The following ATP8A1 variants were observed in gnomAD, a reference collection of about 807,000 sequenced individuals.
The protein encoded by ATP8A1 is phospholipid-transporting ATPase IA.
ATP8A1 carries 90 observed loss-of-function variants against 177.7 expected under a neutral mutation model. That is an observed-to-expected ratio of 0.51 (90% confidence interval 0.43 to 0.60). The LOEUF (loss-of-function observed/expected upper bound fraction) is 0.60. ATP8A1 is among the 20% of genes least tolerant of loss of function. The pLI, the probability that ATP8A1 is intolerant of heterozygous loss-of-function variation, is 0.00. For missense variants in ATP8A1, 1,072 were observed against 1,392.8 expected, an observed-to-expected ratio of 0.77 and a Z score of 3.67; for synonymous variants, 493 against 485.9, an observed-to-expected ratio of 1.01 and a Z score of -0.19.
intron 16 of ATP8A1, among the ~76,000 whole-genome samples, chr4:42,554,446 T>C (rs1282837537): frequency 1.3e-5 from 2 of 152,032 alleles, no homozygotes; most frequent in East Asian, 3.9e-4. Context: ...AGGGAAGAGG[T>C]GGTCTAGGGC....
intron 1 of ATP8A1, among the ~76,000 whole-genome samples, chr4:42,636,583 T>A (rs1577752286): frequency 6.6e-6 from 1 of 152,296 alleles, no homozygotes; most frequent in Non-Finnish European, 1.5e-5. Flanking sequence ...CTCTCAAATT[T>A]CTAGATCATG....
chr4:42,627,467 T>C (rs1738230294), intron 1 of ATP8A1, among the ~76,000 whole-genome samples: 1 of 152,336 alleles, frequency 6.6e-6, no homozygotes, highest in South Asian at 2.1e-4. Flanking sequence ...AACAAGGTAA[T>C]TTAAAATATA....
chr4:42,444,696 A>C, intron 31 of ATP8A1, 62 bp from the exon 32 acceptor site: 1 of 1,484,680 alleles, frequency 6.7e-7, no homozygotes, highest in Non-Finnish European at 9.4e-7. Context: ...CAAATGACTG[A>C]AGGATTTATA....
At chr4:42,607,562 T>C (rs62302319) in intron 5 of ATP8A1, among the ~76,000 whole-genome samples, 34,177 of 151,724 alleles carry the variant, frequency 0.23, 4,332 homozygotes, top group Non-Finnish European at 0.29. Context: ...CAAGAAACAA[T>C]GCCCAGCCTG....
chr4:42,584,610 C>G (rs1188005613), intron 9 of ATP8A1, among the ~76,000 whole-genome samples: 1 of 152,232 alleles, frequency 6.6e-6, no homozygotes, highest in Non-Finnish European at 1.5e-5. Flanking sequence ...ATCTCTTTCA[C>G]TAGTGCCTTT....
chr4:42,505,501 A>G (rs1724276625), intron 23 of ATP8A1, among the ~76,000 whole-genome samples: 1 of 152,042 alleles, frequency 6.6e-6, no homozygotes. Flanking sequence ...TCTGCATTTC[A>G]CCATTATTTT....
At chr4:42,551,947 T>A (rs934616719) in intron 17 of ATP8A1, among the ~76,000 whole-genome samples, 1 of 152,186 alleles carries the variant, frequency 6.6e-6, no homozygotes, top group Non-Finnish European at 1.5e-5. Context: ...TGCCCAACTT[T>A]ACATTGAAAA....
chr4:42,534,572 T>C (rs1470648409), intron 20 of ATP8A1, among the ~76,000 whole-genome samples: 1 of 152,114 alleles, frequency 6.6e-6, no homozygotes. Context: ...AATCTAAAAG[T>C]TTGGAAAACA....
intron 19 of ATP8A1, among the ~76,000 whole-genome samples, chr4:42,545,426 T>A (rs1728800483): frequency 6.6e-6 from 1 of 152,148 alleles, no homozygotes; most frequent in Non-Finnish European, 1.5e-5. Flanking sequence ...GAATGAGAAC[T>A]CTCTTTTGTG....
chr4:42,422,874 A>T lies in ATP8A1; in HGVS notation c.3238T>A (p.Leu1080Met). 1 of 1,612,596 alleles carries T rather than the reference A, an allele frequency of 6.2e-7. No individual in the cohort carries two copies. ...TCCAGCTCCTGAACTTCATCGACCA[A>T]TGTTTTAAAAGCAGTCCTCTTGATA... The part of the protein sequence containing the change: ...KVIKRTAFKT[L>M]VDEVQELEAK... Residue 1080 changes from leucine (L) to methionine (M), a missense_variant, in exon 35 of 37, where the codon TTG becomes ATG. This residue lies in a region of ATP8A1 where 316 missense variants were observed against 459.1 expected (regional missense o/e 0.69). Transcript: ENST00000381668.
intron 32 of ATP8A1, 121 bp from the exon 33 acceptor site, chr4:42,443,793 A>G: frequency 1.7e-6 from 1 of 589,622 alleles, no homozygotes; most frequent in South Asian, 2.2e-5. Context: ...TATTATCTAT[A>G]GGAGTTTCTA....
intron 20 of ATP8A1, 134 bp from the exon 21 acceptor site, chr4:42,524,981 G>C (rs1726535541): frequency 3.9e-6 from 2 of 516,200 alleles, no homozygotes; most frequent in Non-Finnish European, 3.4e-6. Flanking sequence ...TAAAGAACAA[G>C]ATATTTTTGT....
chr4:42,527,315 A>T (rs994458319), intron 20 of ATP8A1, among the ~76,000 whole-genome samples: 15 of 152,174 alleles, frequency 9.9e-5, no homozygotes, highest in African/African-American at 3.6e-4. Context: ...GAGGACATTG[A>T]TTGGAAAAGA....
chr4:42,482,912 T>C (rs1208905627), intron 25 of ATP8A1, among the ~76,000 whole-genome samples: 1 of 152,200 alleles, frequency 6.6e-6, no homozygotes, highest in Non-Finnish European at 1.5e-5. Flanking sequence ...ATAAAGCCAG[T>C]ATGAACATAA....
chr4:42,524,286 G>A (rs1726450736), intron 21 of ATP8A1, among the ~76,000 whole-genome samples: 1 of 152,118 alleles, frequency 6.6e-6, no homozygotes, highest in African/African-American at 2.4e-5. Flanking sequence ...AAAAAGTCTT[G>A]AGTTGTAATA....
intron 5 of ATP8A1, among the ~76,000 whole-genome samples, chr4:42,611,507 C>T (rs995247652): frequency 2.0e-5 from 3 of 152,136 alleles, no homozygotes; most frequent in Non-Finnish European, 2.9e-5. Flanking sequence ...TGTATACAGA[C>T]CATCGTCCAG....
At chr4:42,568,344 C>T (rs1435400749) in intron 15 of ATP8A1, among the ~76,000 whole-genome samples, 5 of 152,014 alleles carry the variant, frequency 3.3e-5, no homozygotes, top group African/African-American at 1.2e-4. Context: ...GCTTCGTCAC[C>T]AAATACATGA....
At chr4:42,477,485 C>G (rs1469545060) in intron 25 of ATP8A1, among the ~76,000 whole-genome samples, 2 of 152,096 alleles carry the variant, frequency 1.3e-5, no homozygotes, top group African/African-American at 2.4e-5. Flanking sequence ...CATACCCATC[C>G]CCCTCTCTTT....
chr4:42,644,466 GA>G (rs975949467), intron 1 of ATP8A1, among the ~76,000 whole-genome samples: 5 of 152,190 alleles, frequency 3.3e-5, no homozygotes, highest in Admixed American at 6.5e-5. Context: ...TCTGGCTTTT[GA>G]AAATAATTTC....
Sources: allele counts gnomAD v4.1 joint callset (sites outside exome capture counted in the v4.1 genomes callset), GRCh38; gene constraint gnomAD v4.1.1; regional missense constraint gnomAD v4.1.1; transcripts MANE v1.5; gene names NCBI Gene and HGNC (gene_info 2026-07-23, HGNC 2026-07-21).